The following CTNND2 variants were observed in gnomAD, a reference collection of about 807,000 sequenced individuals.
CTNND2 encodes the protein catenin delta 2, also known as catenin delta-2.
CTNND2 carries 22 observed loss-of-function variants against 144.4 expected under a neutral mutation model. The ratio of observed to expected loss-of-function variants is 0.15; its 90% CI spans 0.11 to 0.22. The LOEUF is 0.22. CTNND2 is among the 10% of genes least tolerant of loss of function. CTNND2 has a pLI of 1.00. For synonymous variants in CTNND2, 751 were observed against 695.6 expected (o/e 1.08, Z -1.25); for missense variants, 1,353 against 1,618.8 (o/e 0.84, Z 2.82).
At chr5:11,475,385 G>T (rs1767628331) in intron 3 of CTNND2, among the ~76,000 whole-genome samples, 1 of 152,136 alleles carries the variant, frequency 6.6e-6, no homozygotes. Flanking sequence ...ACAATTAATG[G>T]CATAAGAGTT....
Position 10,980,757 on chromosome 5 carries a change from G to T in CTNND2, c.3417+1016C>A, listed in dbSNP as rs577889333. On this transcript the variant is annotated intron_variant, in intron 21 of 21. Coordinates refer to ENST00000304623, the MANE Select transcript of CTNND2 (RefSeq NM_001332.4). ...AGTTCATGTCCTTTGCAGGGACATG[G>T]ATGAAGCTGGAAACATCATTCTCAG... is the stretch of plus-strand genomic sequence containing the variant. Among the ~76,000 whole-genome samples, 8 of 152,254 alleles carry T rather than the reference G, an allele frequency of 5.3e-5. No individual in the cohort carries two copies. The South Asian group carries it at 1.7e-3, about 32-fold the overall frequency.
intron 3 of CTNND2, among the ~76,000 whole-genome samples, chr5:11,476,471 G>C (rs775420831): frequency 2.0e-5 from 3 of 152,126 alleles, no homozygotes; most frequent in African/African-American, 2.4e-5. Context: ...AATTTTCAGT[G>C]ATTCTATGGC....
chr5:11,119,974 G>C (rs955334393), intron 12 of CTNND2, among the ~76,000 whole-genome samples: 1 of 152,038 alleles, frequency 6.6e-6, no homozygotes, highest in Non-Finnish European at 1.5e-5. Context: ...CATTAAATGC[G>C]CAGGACCAAC....
intron 16 of CTNND2, among the ~76,000 whole-genome samples, chr5:11,067,312 T>C (rs1747723498): frequency 1.3e-5 from 2 of 152,220 alleles, no homozygotes; most frequent in Admixed American, 6.5e-5. Context: ...TTTTGGAGAA[T>C]GGTCAAGGCA....
At chr5:11,634,120 A>T (rs1028361047) in intron 2 of CTNND2, among the ~76,000 whole-genome samples, 4 of 152,166 alleles carry the variant, frequency 2.6e-5, no homozygotes, top group African/African-American at 9.7e-5. Flanking sequence ...ACTCTTGAGC[A>T]TTTGGCCACA....
chr5:11,343,141 T>A (rs61750715), intron 9 of CTNND2, among the ~76,000 whole-genome samples: 1 of 152,312 alleles, frequency 6.6e-6, no homozygotes, highest in East Asian at 1.9e-4. Flanking sequence ...ACAATCCAAA[T>A]GACTGAGCCA....
chr5:11,697,440 G>A (rs1001844534), intron 2 of CTNND2, among the ~76,000 whole-genome samples: 3 of 152,196 alleles, frequency 2.0e-5, no homozygotes, highest in Non-Finnish European at 4.4e-5. Flanking sequence ...TATGGCATAA[G>A]TGGGAATAAA....
At chr5:11,288,659 A>G (rs997935824) in intron 9 of CTNND2, among the ~76,000 whole-genome samples, 5 of 152,192 alleles carry the variant, frequency 3.3e-5, no homozygotes, top group Admixed American at 6.5e-5. Context: ...CATTATGGAA[A>G]TGCAGCAGTC....
intron 15 of CTNND2, among the ~76,000 whole-genome samples, chr5:11,084,628 G>C (rs531798986): frequency 6.6e-6 from 1 of 152,266 alleles, no homozygotes; most frequent in South Asian, 2.1e-4. Flanking sequence ...AACTTAGGCA[G>C]GCTGATGCAA....
chr5:11,791,944 A>C (rs1260652320), intron 1 of CTNND2, among the ~76,000 whole-genome samples: 2 of 152,180 alleles, frequency 1.3e-5, no homozygotes, highest in Non-Finnish European at 2.9e-5. Flanking sequence ...CACACTGGTC[A>C]AACAGGATCA....
intron 9 of CTNND2, among the ~76,000 whole-genome samples, chr5:11,332,826 T>C (rs116035762): frequency 0.012 from 1,850 of 152,280 alleles, 18 homozygotes; most frequent in Middle Eastern, 0.031. Flanking sequence ...TGGGAGATAA[T>C]TGAATTCCCT....
At chr5:11,162,905 AC>A in intron 11 of CTNND2, among the ~76,000 whole-genome samples, 1 of 96,380 alleles carries the variant, frequency 1.0e-5, no homozygotes, top group South Asian at 3.3e-4. Context: ...ACACACACAC[AC>A]ACACACATAC....
intron 12 of CTNND2, among the ~76,000 whole-genome samples, chr5:11,119,897 T>C (rs1753914221): frequency 6.6e-6 from 1 of 152,220 alleles, no homozygotes. Context: ...ATCCTTTTTT[T>C]GGAGGCAGGC....
intron 9 of CTNND2, among the ~76,000 whole-genome samples, chr5:11,242,037 T>G (rs1338059138): frequency 6.6e-6 from 1 of 151,400 alleles, no homozygotes; most frequent in Non-Finnish European, 1.5e-5. Flanking sequence ...ACAGGGGGAG[T>G]TGGAGCAGGG....
intron 14 of CTNND2, among the ~76,000 whole-genome samples, chr5:11,099,684 T>C (rs1025352227): frequency 5.3e-5 from 8 of 152,240 alleles, no homozygotes; most frequent in Admixed American, 4.6e-4. Flanking sequence ...TCTTAACAAT[T>C]TAAAAAACAC....
intron 10 of CTNND2, among the ~76,000 whole-genome samples, chr5:11,215,114 T>G (rs1739038412): frequency 2.0e-5 from 3 of 152,170 alleles, no homozygotes; most frequent in African/African-American, 4.8e-5. Flanking sequence ...TGAGCGCAGT[T>G]TTGACTACTG....
At position 11,303,355 on chromosome 5, in the gene CTNND2, T is replaced by C. The variant is rs764629924; in HGVS notation, c.1628+43017A>G. 3.3e-5 allele frequency among the ~76,000 whole-genome samples: 5 copies of C among 152,258 alleles called. No individual in the cohort carries two copies. The East Asian group carries it at 5.8e-4, about 18-fold the overall frequency. ...GCAGCCTAACACGGTAGTTATGCTA[T>C]GGTTTCTGCACGCAGATGGCCTTGT... On this transcript the variant is annotated intron_variant, in intron 9 of 21. Transcript: ENST00000304623.
intron 1 of CTNND2, among the ~76,000 whole-genome samples, chr5:11,770,201 CAGA>C (rs1017659104): frequency 2.0e-5 from 3 of 152,038 alleles, no homozygotes; most frequent in Non-Finnish European, 4.4e-5. Flanking sequence ...TAGGGAGAGA[CAGA>C]AGAAGAATGG....
intron 3 of CTNND2, among the ~76,000 whole-genome samples, chr5:11,449,020 T>G (rs914234215): frequency 5.3e-5 from 8 of 152,034 alleles, no homozygotes; most frequent in Non-Finnish European, 1.2e-4. Context: ...TTTTTTTTTT[T>G]TTAATCCTGG....
Sources: gnomAD v4.1 joint callset for allele counts (sites outside exome capture counted in the v4.1 genomes callset) on GRCh38, gnomAD v4.1.1 for gene constraint, MANE v1.5 for transcripts, NCBI Gene and HGNC (gene_info 2026-07-23, HGNC 2026-07-21) for gene names.